TSC22D2: variants seen among roughly 807,000 people sequenced by gnomAD.
TSC22D2 encodes the protein TSC22 domain family protein 2.
A neutral mutation model predicts 50.1 loss-of-function variants in TSC22D2; 5 were observed. The observed-to-expected ratio is 0.10, with a 90% CI of 0.05 to 0.21. TSC22D2 has a LOEUF of 0.21. Among genes scored for constraint, TSC22D2 ranks in the 10% least tolerant of loss-of-function variants. The probability of loss-of-function intolerance (pLI) is 1.00; values close to 1 mark genes in which losing one functional copy is unlikely to be tolerated. For missense variants in TSC22D2, 1,003 were observed against 1,015.5 expected (o/e 0.99, Z 0.17); for synonymous variants, 501 against 450.1 (o/e 1.11, Z -1.43).
Position 150,460,688 on chromosome 3 carries a change from C to T in TSC22D2, c.*2052C>T, listed in dbSNP as rs1721368975. 1 of 147,940 alleles carries T rather than the reference C, an allele frequency of 6.8e-6. No individual in the cohort carries two copies. The highest frequency in any genetic ancestry group is 6.7e-5 in the Admixed American group (1 of 14,878). 9.2% of individuals were successfully genotyped at this position (147,940 alleles called of 1,614,324 possible). A position where few individuals can be genotyped will look rare whatever the true frequency, so the allele number is the denominator to read the frequency against. The stretch of plus-strand genomic sequence containing the variant: ...AGATACTTAATGGAATGTGAAACTT[C>T]ACTGTTGGACTGTTAACCGAAAAGG... On this transcript the variant is annotated 3_prime_UTR_variant, in exon 3 of 3. Transcript: ENST00000688009.
chr3:150,418,054 C>G (rs55857164), intron 1 of TSC22D2, among the ~76,000 whole-genome samples: 3,691 of 152,104 alleles, frequency 0.024, 157 homozygotes, highest in African/African-American at 0.083. Context: ...GAACTGCAAA[C>G]TTAAACTTTC....
chr3:150,451,452 A>G (rs1175643641), intron 1 of TSC22D2, among the ~76,000 whole-genome samples: 5 of 152,314 alleles, frequency 3.3e-5, no homozygotes, highest in African/African-American at 9.6e-5. Context: ...TAAATGGCAT[A>G]TTCTGAGCAT....
Position 150,409,098 on chromosome 3 carries a change from A to G in TSC22D2, c.-253A>G. On this transcript the variant is annotated 5_prime_UTR_variant, in exon 1 of 3. Coordinates refer to ENST00000688009, the MANE Select transcript of TSC22D2 (RefSeq NM_001303264.2). This position sits in a 1 kb window ranked among gnomAD's most constrained non-coding sequence, Gnocchi z 7.4. Reference sequence around the variant, plus strand: ...AGGCGCCGCGGCTGCGAGAGCTAAAAAGGAAGGAGGAGCCGCCGCGGGACT... The same window carrying G: ...AGGCGCCGCGGCTGCGAGAGCTAAAGAGGAAGGAGGAGCCGCCGCGGGACT... The G allele has an allele frequency of 2.6e-6, 1 of 389,402 alleles. No individual in the cohort carries two copies. The highest frequency in any genetic ancestry group is 4.6e-6 in the Non-Finnish European group (1 of 215,742). 24.1% of individuals were successfully genotyped at this position (389,402 alleles called of 1,614,324 possible). A position where few individuals can be genotyped will look rare whatever the true frequency, so the allele number is the denominator to read the frequency against.
Position 150,458,877 on chromosome 3 carries a change from C to G in TSC22D2, c.*241C>G, listed in dbSNP as rs1453227148. 2.3e-6 allele frequency: 1 copy of G among 441,348 alleles called. No homozygotes were observed. Among genetic ancestry groups the G allele is most frequent in the Non-Finnish European group, 3.9e-6 (1 of 253,642 alleles). 27.3% of individuals were successfully genotyped at this position (441,348 alleles called of 1,614,324 possible). On this transcript the variant is annotated 3_prime_UTR_variant, in exon 3 of 3. Transcript: ENST00000688009. ...GAATAATAGATGGGGTTTATTAAAGCGAGCAAAGTCTGCATTTTACCTGGT... is the reference window on the plus strand; with the variant it reads ...GAATAATAGATGGGGTTTATTAAAGGGAGCAAAGTCTGCATTTTACCTGGT...
At chr3:150,449,717 G>C (rs749530210) in intron 1 of TSC22D2, among the ~76,000 whole-genome samples, 3 of 152,038 alleles carry the variant, frequency 2.0e-5, no homozygotes, top group Admixed American at 2.0e-4. Context: ...AATATCTAGA[G>C]GATAAATTCC....
At chr3:150,445,122 T>C (rs1305879303) in intron 1 of TSC22D2, among the ~76,000 whole-genome samples, 1 of 151,940 alleles carries the variant, frequency 6.6e-6, no homozygotes, top group Non-Finnish European at 1.5e-5. Context: ...AAGATTATTT[T>C]ACTCTAAATA....
chr3:150,425,942 A>G (rs1271699797), intron 1 of TSC22D2, among the ~76,000 whole-genome samples: 3 of 152,174 alleles, frequency 2.0e-5, no homozygotes, highest in Non-Finnish European at 2.9e-5. Context: ...GCCTCTGCCT[A>G]TATTTAGATA....
intron 1 of TSC22D2, among the ~76,000 whole-genome samples, chr3:150,415,936 G>T (rs1719780030): frequency 6.6e-6 from 1 of 152,218 alleles, no homozygotes; most frequent in Non-Finnish European, 1.5e-5. Context: ...CACCAGAAAA[G>T]ATCAGAAGCA....
At chr3:150,419,643 C>T (rs1385077644) in intron 1 of TSC22D2, among the ~76,000 whole-genome samples, 15 of 151,996 alleles carry the variant, frequency 9.9e-5, no homozygotes, top group Non-Finnish European at 1.5e-5. Flanking sequence ...CCCTGTTGTA[C>T]TTAGTTACCC....
intron 1 of TSC22D2, among the ~76,000 whole-genome samples, chr3:150,452,209 G>A (rs1721062723): frequency 6.6e-6 from 1 of 152,154 alleles, no homozygotes; most frequent in Non-Finnish European, 1.5e-5. Flanking sequence ...ACTTTGGGAG[G>A]CGAAGGCAGG....
chr3:150,410,745 G>A lies in TSC22D2; in HGVS notation c.1395G>A (p.Val465=). The A allele has an allele frequency of 6.2e-7, 1 of 1,604,274 alleles. No individual in the cohort carries two copies. Among genetic ancestry groups the A allele is most frequent in the East Asian group, 2.3e-5 (1 of 44,288 alleles). ...TGCCCCCGGCTACTGTGGGAGGCGT[G>A]GTGCAGCCGTGCCTCGGTCCTGCCG... is the stretch of plus-strand genomic sequence containing the variant. ...TGVPPATVGG[V]VQPCLGPAGA... The change falls in exon 1 of 3, where the codon GTG becomes GTA. Residue 465 remains valine, a synonymous_variant. Transcript: ENST00000688009.
intron 1 of TSC22D2, among the ~76,000 whole-genome samples, chr3:150,437,102 C>CT (rs1720569249): frequency 6.6e-6 from 1 of 152,048 alleles, no homozygotes; most frequent in African/African-American, 2.4e-5. Flanking sequence ...CTATGGGTTA[C>CT]TGGCAACTAA....
chr3:150,410,215 T>G lies in TSC22D2; in HGVS notation c.865T>G (p.Ser289Ala). 6.3e-7 allele frequency: 1 copy of G among 1,582,712 alleles called. No homozygotes were observed. The highest frequency in any genetic ancestry group is 8.6e-7 in the Non-Finnish European group (1 of 1,164,780). The change falls in exon 1 of 3, where the codon TCG becomes GCG. Residue 289 changes from serine (S) to alanine (A), a missense_variant. This residue lies in a region of TSC22D2 where 696 missense variants were observed against 647.8 expected (regional missense o/e 1.07). Coordinates refer to ENST00000688009, the MANE Select transcript of TSC22D2 (RefSeq NM_001303264.2). ...PPVGGAVAQS[S>A]APLPPFPGAA... Reference sequence around the variant, plus strand: ...CGTAGGTGGGGCTGTGGCTCAAAGCTCGGCTCCGCTGCCGCCGTTCCCGGG... The same window carrying G: ...CGTAGGTGGGGCTGTGGCTCAAAGCGCGGCTCCGCTGCCGCCGTTCCCGGG...
intron 1 of TSC22D2, among the ~76,000 whole-genome samples, chr3:150,450,843 A>G (rs766102136): frequency 5.9e-5 from 9 of 152,152 alleles, no homozygotes; most frequent in Admixed American, 5.2e-4. Flanking sequence ...TAAAACATGC[A>G]TTTGTTAGAG....
In TSC22D2 at chr3:150,409,506, T is replaced by C; in HGVS notation, c.156T>C (p.Ser52=). 1 of 1,613,026 alleles carries C rather than the reference T, an allele frequency of 6.2e-7. No individual in the cohort carries two copies. Among genetic ancestry groups the C allele is most frequent in the Non-Finnish European group, 8.5e-7 (1 of 1,179,592 alleles). Residue 52 remains serine, a synonymous_variant, in exon 1 of 3, where the codon TCT becomes TCC. Coordinates refer to ENST00000688009, the MANE Select transcript of TSC22D2 (RefSeq NM_001303264.2). The surrounding 1 kb of genome is among the most constrained non-coding windows in gnomAD (Gnocchi z 7.4). ...TCTCCTCCGAGATTTTCGACGTCTC[T>C]CGGGCCACGGATTATGGCCCTGAGG... ...EDVSSEIFDV[S]RATDYGPEEV...
chr3:150,435,822 A>G (rs1468218743), intron 1 of TSC22D2, among the ~76,000 whole-genome samples: 1 of 151,938 alleles, frequency 6.6e-6, no homozygotes, highest in Non-Finnish European at 1.5e-5. Context: ...TCACCTTCTC[A>G]CAAAAGGAAA....
chr3:150,453,891 T>TA (rs1466014973), intron 1 of TSC22D2, among the ~76,000 whole-genome samples: 5 of 152,152 alleles, frequency 3.3e-5, no homozygotes, highest in African/African-American at 1.2e-4. Context: ...GTGGTAGTAT[T>TA]ACAATACTCA....
At chr3:150,456,279 C>T (rs1293738163) in intron 1 of TSC22D2, among the ~76,000 whole-genome samples, 2 of 151,592 alleles carry the variant, frequency 1.3e-5, no homozygotes, top group African/African-American at 4.9e-5. Context: ...CCTCTGCCTC[C>T]TGGGTTCAAG....
rs868769963 is a variant in TSC22D2, at chr3:150,410,177, C to A, written c.827C>A (p.Pro276Gln). 9 of 1,604,480 alleles carry A rather than the reference C, an allele frequency of 5.6e-6. No homozygotes were observed. In the South Asian group the frequency reaches 1.0e-4, roughly 18 times the overall value. ...AGTTTTAGCGTTGGGCAGCCACAGC[C>A]GCCGCCGCCACCCGTAGGTGGGGCT... ...PQSFSVGQPQ[P>Q]PPPPVGGAVA... The change falls in exon 1 of 3, where the codon CCG becomes CAG. Residue 276 changes from proline (P) to glutamine (Q), a missense_variant. Pro to Gln is a moderately conservative substitution (Grantham distance 76). Around this residue, in one of 6 missense-constraint regions of TSC22D2, gnomAD observed 696 missense variants for 647.8 expected, o/e 1.07. Transcript: ENST00000688009.
Sources: allele counts gnomAD v4.1 joint callset (sites outside exome capture counted in the v4.1 genomes callset), GRCh38; gene constraint gnomAD v4.1.1; regional missense constraint gnomAD v4.1.1; non-coding constraint Gnocchi (gnomAD v3.1); transcripts MANE v1.5; gene names NCBI Gene and HGNC (gene_info 2026-07-23, HGNC 2026-07-21).